KCTD16: variants seen among roughly 807,000 people sequenced by gnomAD.
The protein encoded by KCTD16 is BTB/POZ domain-containing protein KCTD16.
KCTD16 carries 13 observed loss-of-function variants against 33.2 expected under a neutral mutation model. The ratio of observed to expected loss-of-function variants is 0.39; its 90% CI spans 0.25 to 0.62. The LOEUF (loss-of-function observed/expected upper bound fraction) is 0.62, where lower values mean the gene tolerates loss of function less well. Among genes scored for constraint, KCTD16 ranks in the 20% least tolerant of loss-of-function variants. The pLI is 0.50. For synonymous variants in KCTD16, 197 were observed against 195.3 expected (o/e 1.01, Z -0.07); for missense variants, 441 against 525.1 (o/e 0.84, Z 1.57).
At chr5:144,314,631 G>A (rs1241448703) in intron 3 of KCTD16, among the ~76,000 whole-genome samples, 1 of 152,000 alleles carries the variant, frequency 6.6e-6, no homozygotes, top group Non-Finnish European at 1.5e-5. Flanking sequence ...TAGGATGTCA[G>A]GATTATGTAT....
rs547405596 is a variant in KCTD16 at position 144,360,616 on chromosome 5, G to A, written c.833-113044G>A. ...CCAGCTAATTTTTGTATTTTTAGTA[G>A]AGATGGGCTTTCACCATATTGGCCA... is the stretch of plus-strand genomic sequence containing the variant. On this transcript the variant is annotated intron_variant, in intron 3 of 3. Coordinates refer to ENST00000512467, the MANE Select transcript of KCTD16 (RefSeq NM_020768.4). Among the ~76,000 whole-genome samples, 4 of 152,160 alleles carry A rather than the reference G, an allele frequency of 2.6e-5. No homozygotes were observed. The East Asian group carries it at 7.8e-4, about 30-fold the overall frequency.
intron 3 of KCTD16, among the ~76,000 whole-genome samples, chr5:144,407,956 T>G (rs1048983100): frequency 2.0e-5 from 3 of 152,242 alleles, no homozygotes; most frequent in African/African-American, 4.8e-5. Context: ...GATAGGCATT[T>G]GGATTGTTCC....
At chr5:144,431,775 T>C (rs1393599186) in intron 3 of KCTD16, among the ~76,000 whole-genome samples, 1 of 152,184 alleles carries the variant, frequency 6.6e-6, no homozygotes, top group Admixed American at 6.6e-5. Context: ...CAATACTATG[T>C]ACAAAATAGA....
intron 3 of KCTD16, among the ~76,000 whole-genome samples, chr5:144,343,279 A>G (rs1347559916): frequency 1.3e-5 from 2 of 152,040 alleles, no homozygotes; most frequent in Non-Finnish European, 2.9e-5. Flanking sequence ...CTATTCAGAG[A>G]TTCAACTTCT....
At chr5:144,180,429 T>C (rs546141416) in intron 2 of KCTD16, among the ~76,000 whole-genome samples, 4 of 152,164 alleles carry the variant, frequency 2.6e-5, no homozygotes, top group Admixed American at 2.0e-4. Context: ...ATTCCAATTA[T>C]CTGTTGCCTT....
intron 3 of KCTD16, among the ~76,000 whole-genome samples, chr5:144,248,371 A>C (rs1322501259): frequency 6.6e-6 from 1 of 152,220 alleles, no homozygotes; most frequent in Non-Finnish European, 1.5e-5. Flanking sequence ...ATGAGTGTTC[A>C]AGGAACACCA....
intron 3 of KCTD16, among the ~76,000 whole-genome samples, chr5:144,234,330 G>A (rs1021304223): frequency 6.6e-6 from 1 of 152,106 alleles, no homozygotes; most frequent in Non-Finnish European, 1.5e-5. Flanking sequence ...TAATGTTCTT[G>A]TAAGAATTGA....
At chr5:144,288,073 C>T (rs1379232662) in intron 3 of KCTD16, among the ~76,000 whole-genome samples, 2 of 152,156 alleles carry the variant, frequency 1.3e-5, no homozygotes, top group Non-Finnish European at 2.9e-5. Context: ...TAGCCCCTCA[C>T]TCTACAGATT....
At chr5:144,215,237 C>G (rs1245627156) in intron 3 of KCTD16, among the ~76,000 whole-genome samples, 1 of 152,078 alleles carries the variant, frequency 6.6e-6, no homozygotes, top group Non-Finnish European at 1.5e-5. Context: ...CCTGTGGTCT[C>G]CTTTTAGTTG....
At chr5:144,329,407 T>A (rs1300801549) in intron 3 of KCTD16, among the ~76,000 whole-genome samples, 2 of 152,170 alleles carry the variant, frequency 1.3e-5, no homozygotes, top group Admixed American at 1.3e-4. Flanking sequence ...CAGGTTAGTG[T>A]TAATGCAGAA....
intron 3 of KCTD16, among the ~76,000 whole-genome samples, chr5:144,265,031 G>A (rs528263052): frequency 4.6e-5 from 7 of 152,286 alleles, no homozygotes; most frequent in African/African-American, 1.7e-4. Context: ...CTTCCTAGCT[G>A]TTAGCAATCT....
chr5:144,435,455 C>T (rs897829025), intron 3 of KCTD16, among the ~76,000 whole-genome samples: 3 of 152,246 alleles, frequency 2.0e-5, no homozygotes, highest in South Asian at 2.1e-4. Flanking sequence ...ATAGAACTAC[C>T]TCATTCTTTT....
chr5:144,286,402 G>T (rs1340951366), intron 3 of KCTD16, among the ~76,000 whole-genome samples: 1 of 152,098 alleles, frequency 6.6e-6, no homozygotes, highest in African/African-American at 2.4e-5. Context: ...TTTCTCAAAA[G>T]CCTCTAAGAT....
intron 1 of KCTD16, among the ~76,000 whole-genome samples, chr5:144,173,647 T>G (rs990376836): frequency 7.2e-5 from 11 of 152,330 alleles, no homozygotes; most frequent in Admixed American, 2.0e-4. Context: ...TGTTTAGGAA[T>G]GAATTATTAG....
At chr5:144,350,636 T>C (rs1448089453) in intron 3 of KCTD16, among the ~76,000 whole-genome samples, 1 of 152,186 alleles carries the variant, frequency 6.6e-6, no homozygotes, top group Admixed American at 6.5e-5. Context: ...TTTGGGCTGT[T>C]AGAATCTTGG....
chr5:144,455,078 G>T (rs1206926293), intron 3 of KCTD16, among the ~76,000 whole-genome samples: 1 of 151,932 alleles, frequency 6.6e-6, no homozygotes, highest in Non-Finnish European at 1.5e-5. Flanking sequence ...AGCCCCAGGG[G>T]GTCACAGACT....
chr5:144,377,012 T>A (rs1752107890), intron 3 of KCTD16, among the ~76,000 whole-genome samples: 1 of 152,202 alleles, frequency 6.6e-6, no homozygotes, highest in Non-Finnish European at 1.5e-5. Flanking sequence ...TATCTACGCA[T>A]TCAGACTTGG....
chr5:144,313,539 A>G (rs1279313668), intron 3 of KCTD16, among the ~76,000 whole-genome samples: 2 of 152,172 alleles, frequency 1.3e-5, no homozygotes, highest in African/African-American at 4.8e-5. Context: ...TGCAGCTACA[A>G]TTTTTTTAAA....
chr5:144,309,407 G>A (rs1400874732), intron 3 of KCTD16, among the ~76,000 whole-genome samples: 1 of 151,162 alleles, frequency 6.6e-6, no homozygotes, highest in Non-Finnish European at 1.5e-5. Flanking sequence ...AGCAGTTCAA[G>A]GTCAAGCCAA....
Sources: allele counts gnomAD v4.1 joint callset (sites outside exome capture counted in the v4.1 genomes callset), GRCh38; gene constraint gnomAD v4.1.1; transcripts MANE v1.5; gene names NCBI Gene and HGNC (gene_info 2026-07-23, HGNC 2026-07-21).